The following VPS13B variants were observed in gnomAD, a reference collection of about 807,000 sequenced individuals.
VPS13B encodes vacuolar protein sorting 13 homolog B, also known as intermembrane lipid transfer protein VPS13B.
In VPS13B, 285 loss-of-function variants were observed where a neutral mutation model predicts 426.4. That is an observed-to-expected ratio of 0.67 (90% CI 0.61 to 0.74). The LOEUF is 0.74. VPS13B is among the 30% of genes least tolerant of loss of function. The probability of loss-of-function intolerance (pLI) is 0.00; values close to 1 mark genes in which losing one functional copy is unlikely to be tolerated. For missense variants in VPS13B, 4,537 were observed against 4,782.6 expected (o/e 0.95, Z 1.51); for synonymous variants, 1,676 against 1,676.4 (o/e 1.00, Z 0.01).
chr8:99,470,623 T>A (rs1362733113), intron 24 of VPS13B, among the ~76,000 whole-genome samples: 2 of 151,780 alleles, frequency 1.3e-5, no homozygotes, highest in East Asian at 1.9e-4. Context: ...AAAGTTTTTT[T>A]AAAAAGTGAA....
intron 24 of VPS13B, among the ~76,000 whole-genome samples, chr8:99,471,777 C>T (rs2133525843): frequency 6.6e-6 from 1 of 152,174 alleles, no homozygotes; most frequent in South Asian, 2.1e-4. Context: ...ATGGTTTCTG[C>T]CATGCTACAC....
chr8:99,294,567 TA>T (rs1287209433), intron 19 of VPS13B, among the ~76,000 whole-genome samples: 1 of 151,504 alleles, frequency 6.6e-6, no homozygotes, highest in African/African-American at 2.4e-5. Flanking sequence ...AAAATAAAAA[TA>T]AAAAAAGAAA....
intron 19 of VPS13B, among the ~76,000 whole-genome samples, chr8:99,293,601 A>G (rs1682994167): frequency 7.4e-6 from 1 of 134,558 alleles, no homozygotes; most frequent in Non-Finnish European, 1.6e-5. Flanking sequence ...CAGAGTGAAC[A>G]GGCAACCTAC....
At chr8:99,431,953 T>A (rs1817136495) in intron 22 of VPS13B, among the ~76,000 whole-genome samples, 1 of 152,148 alleles carries the variant, frequency 6.6e-6, no homozygotes, top group Non-Finnish European at 1.5e-5. Flanking sequence ...TTCACAATTT[T>A]AAATTCTTAG....
intron 3 of VPS13B, among the ~76,000 whole-genome samples, chr8:99,069,386 A>G (rs1156232510): frequency 1.3e-5 from 2 of 152,210 alleles, no homozygotes; most frequent in Non-Finnish European, 2.9e-5. Flanking sequence ...GTGAGCTGTG[A>G]TCACACCACT....
chr8:99,693,744 G>C (rs965809454), intron 35 of VPS13B, among the ~76,000 whole-genome samples: 6 of 144,168 alleles, frequency 4.2e-5, no homozygotes, highest in East Asian at 2.0e-4. Context: ...TAGGAAAAGA[G>C]GAAGTCAAAT....
rs112592469 is a variant in VPS13B, at chr8:99,817,898, G to C, written c.8361+95G>C. On this transcript the variant is annotated intron_variant, in intron 45 of 61. Transcript: ENST00000357162. ...CGTACAGCACTTAATTTATTAAAAAGTGACATATAAAAAAGGGGAGTGAAA... is the reference window on the plus strand; with the variant it reads ...CGTACAGCACTTAATTTATTAAAAACTGACATATAAAAAAGGGGAGTGAAA... The C allele has an allele frequency of 2.5e-4, 404 of 1,584,886 alleles. 3 individuals are homozygous for C. In the African/African-American group the frequency reaches 4.4e-3, roughly 17 times the overall value.
chr8:99,188,985 C>T (rs181191550), intron 16 of VPS13B, among the ~76,000 whole-genome samples: 34 of 152,280 alleles, frequency 2.2e-4, no homozygotes, highest in African/African-American at 5.8e-4. Flanking sequence ...CTGCAAGCTC[C>T]GCCTCCCGGG....
intron 54 of VPS13B, among the ~76,000 whole-genome samples, chr8:99,845,512 G>T (rs182505864): frequency 1.3e-5 from 2 of 152,332 alleles, no homozygotes; most frequent in African/African-American, 4.8e-5. Context: ...GGAAGTCTGG[G>T]TGTCTCTCTC....
chr8:99,467,635 G>A lies in VPS13B; in HGVS notation c.3666+1G>A. The stretch of plus-strand genomic sequence containing the variant: ...AGAGATAAAATGCTCTAATCCCCAG[G>A]TTGGTACATTTGATTTATGAAAGGA... On this transcript the variant is annotated splice_donor_variant, in intron 24 of 61. Transcript: ENST00000357162. LOFTEE classifies it high-confidence loss of function. The A allele has an allele frequency of 6.2e-7, 1 of 1,607,604 alleles. No individual in the cohort carries two copies. Among genetic ancestry groups the A allele is most frequent in the African/African-American group, 1.4e-5 (1 of 69,952 alleles).
intron 21 of VPS13B, among the ~76,000 whole-genome samples, chr8:99,399,108 A>G (rs1814901099): frequency 6.6e-6 from 1 of 152,192 alleles, no homozygotes; most frequent in African/African-American, 2.4e-5. Context: ...CTACTTTGGA[A>G]CAGAAAAAGG....
In VPS13B at chr8:99,642,202, C is replaced by G. The variant is rs920484397; in HGVS notation, c.5612C>G (p.Thr1871Arg). The G allele has an allele frequency of 1.2e-6, 2 of 1,614,134 alleles. No homozygotes were observed. Among genetic ancestry groups the G allele is most frequent in the East Asian group, 2.2e-5 (1 of 44,884 alleles). ...KPNQACISTVTAEDLLRSSIS... is the reference protein window; with the variant it reads ...KPNQACISTVRAEDLLRSSIS... ...AACCAGGCATGTATTTCCACGGTGA[C>G]AGCAGAAGATCTCTTAAGGAGCAGC... Residue 1871 changes from threonine (T) to arginine (R), a missense_variant, in exon 34 of 62, where the codon ACA (threonine) becomes AGA (arginine). Physicochemically the swap from Thr to Arg is moderately conservative, Grantham distance 71. Coordinates refer to ENST00000357162, the MANE Select transcript of VPS13B (RefSeq NM_152564.5).
intron 17 of VPS13B, among the ~76,000 whole-genome samples, chr8:99,273,630 C>A (rs1316447781): frequency 1.3e-5 from 2 of 151,912 alleles, no homozygotes; most frequent in African/African-American, 4.8e-5. Context: ...ACTAAAAATA[C>A]AAAAATTAGC....
intron 19 of VPS13B, among the ~76,000 whole-genome samples, chr8:99,353,027 G>A (rs902525230): frequency 2.0e-5 from 3 of 151,624 alleles, no homozygotes; most frequent in Non-Finnish European, 2.9e-5. Flanking sequence ...CCAGACCCAG[G>A]CTGGAGTGCA....
intron 35 of VPS13B, among the ~76,000 whole-genome samples, chr8:99,692,452 A>G: frequency 6.8e-6 from 1 of 147,146 alleles, no homozygotes; most frequent in Non-Finnish European, 1.5e-5. Flanking sequence ...TACTGGGTAC[A>G]TAACGAAATG....
At chr8:99,563,837 C>G (rs1028840519) in intron 31 of VPS13B, among the ~76,000 whole-genome samples, 2 of 152,152 alleles carry the variant, frequency 1.3e-5, no homozygotes, top group Non-Finnish European at 2.9e-5. Flanking sequence ...GAAAGATATT[C>G]ATTCAAATAA....
intron 30 of VPS13B, among the ~76,000 whole-genome samples, chr8:99,535,336 A>T (rs1314933011): frequency 6.6e-6 from 1 of 152,196 alleles, no homozygotes; most frequent in Non-Finnish European, 1.5e-5. Context: ...GTGTTCACTG[A>T]GGTCACTGTC....
chr8:99,678,008 A>G (rs1017796672), intron 35 of VPS13B, among the ~76,000 whole-genome samples: 11 of 152,240 alleles, frequency 7.2e-5, no homozygotes, highest in African/African-American at 2.6e-4. Context: ...TTATGCCAAC[A>G]ACTCCCAAAT....
In VPS13B at chr8:99,088,573, T is replaced by A. The variant is rs79391368; in HGVS notation, c.292-7739T>A. On this transcript the variant is annotated intron_variant, in intron 3 of 61. Transcript: ENST00000357162. The stretch of plus-strand genomic sequence containing the variant: ...AATTTGAGGTGCTCACATAAAAAAA[T>A]TTTTTCTCAGTGCTACTTCCCTCAT... 2.3e-3 allele frequency among the ~76,000 whole-genome samples: 355 copies of A among 152,250 alleles called. 9 individuals are homozygous for A. In the East Asian group the frequency reaches 0.048, roughly 21 times the overall value.
Sources: gnomAD v4.1 joint callset for allele counts (sites outside exome capture counted in the v4.1 genomes callset) on GRCh38, gnomAD v4.1.1 for gene constraint, MANE v1.5 for transcripts, NCBI Gene and HGNC (gene_info 2026-07-23, HGNC 2026-07-21) for gene names.